The following R3HCC1L variants were observed in gnomAD, a reference collection of about 807,000 sequenced individuals.
The protein encoded by R3HCC1L is coiled-coil domain-containing protein R3HCC1L.
R3HCC1L carries 51 observed loss-of-function variants against 59.9 expected under a neutral mutation model. That is an observed-to-expected ratio of 0.85 (90% CI 0.68 to 1.07). The LOEUF (loss-of-function observed/expected upper bound fraction) is 1.07. Among genes scored for constraint, R3HCC1L ranks in the 50% least tolerant of loss-of-function variants. The pLI is 0.00. For missense variants in R3HCC1L, 965 were observed against 933.0 expected, an observed-to-expected ratio of 1.03 and a Z score of -0.45; for synonymous variants, 322 against 315.2, an observed-to-expected ratio of 1.02 and a Z score of -0.23.
intron 4 of R3HCC1L, among the ~76,000 whole-genome samples, chr10:98,202,626 G>T (rs2135134950): frequency 6.6e-6 from 1 of 152,228 alleles, no homozygotes; most frequent in African/African-American, 2.4e-5. Context: ...GCCTGAGGCG[G>T]GCGGAACACA....
At chr10:98,231,745 G>T in intron 6 of R3HCC1L, 58 bp downstream of exon 6, 1 of 1,433,828 alleles carries the variant, frequency 7.0e-7, no homozygotes, top group South Asian at 1.4e-5. Flanking sequence ...TTTAAAAAAT[G>T]TTTTCTGAGA....
chr10:98,237,594 G>A (rs1316129201), intron 9 of R3HCC1L, among the ~76,000 whole-genome samples: 1 of 152,178 alleles, frequency 6.6e-6, no homozygotes, highest in Non-Finnish European at 1.5e-5. Context: ...AATTAAAAAT[G>A]ATTCTGTTGA....
chr10:98,135,674 CGTTACCACCT>C (rs1221773311), intron 1 of R3HCC1L, among the ~76,000 whole-genome samples: 1 of 152,168 alleles, frequency 6.6e-6, no homozygotes, highest in African/African-American at 2.4e-5. Context: ...GACCTTAGGG[CGTTACCACCT>C]GTGGAGTCAA....
intron 1 of R3HCC1L, among the ~76,000 whole-genome samples, chr10:98,148,612 A>G (rs183987465): frequency 6.6e-6 from 1 of 152,132 alleles, no homozygotes; most frequent in Admixed American, 6.5e-5. Context: ...GATTTTATTG[A>G]ATGCTTTTTC....
chr10:98,176,541 G>A (rs1182724004), intron 4 of R3HCC1L, among the ~76,000 whole-genome samples: 1 of 152,070 alleles, frequency 6.6e-6, no homozygotes, highest in Non-Finnish European at 1.5e-5. Flanking sequence ...TTCATTGATA[G>A]AATATAGAAC....
intron 2 of R3HCC1L, among the ~76,000 whole-genome samples, 164 bp from the exon 3 acceptor site, chr10:98,162,719 A>T (rs762249420): frequency 1.3e-5 from 2 of 151,878 alleles, no homozygotes; most frequent in Non-Finnish European, 2.9e-5. Flanking sequence ...TGTGTTTGAG[A>T]TAGGATCTCA....
chr10:98,135,657 A>G (rs1372151645), intron 1 of R3HCC1L, among the ~76,000 whole-genome samples: 1 of 152,206 alleles, frequency 6.6e-6, no homozygotes, highest in Admixed American at 6.5e-5. Flanking sequence ...GTTCCTAGTG[A>G]AGAGGTGACC....
intron 4 of R3HCC1L, among the ~76,000 whole-genome samples, chr10:98,178,941 T>G (rs910655027): frequency 6.6e-6 from 1 of 152,216 alleles, no homozygotes; most frequent in Non-Finnish European, 1.5e-5. Context: ...TGAATTTGCT[T>G]ATAAGCTTAA....
chr10:98,209,879 G>C lies in R3HCC1L; in HGVS notation c.1765G>C (p.Asp589His). The change falls in exon 5 of 10, where the codon GAT becomes CAT. Residue 589 changes from aspartate (D) to histidine (H), a missense_variant. Asp to His is a moderately conservative substitution (Grantham distance 81). Transcript: ENST00000298999. ...GTTTAACGATGATGGTGACTGCCTG[G>C]ATCCACGTCTTCTACAAGAGGTATG... ...SMFNDDGDCL[D>H]PRLLQELSGN... The C allele has an allele frequency of 6.2e-7, 1 of 1,611,716 alleles. No homozygotes were observed. The highest frequency in any genetic ancestry group is 8.5e-7 in the Non-Finnish European group (1 of 1,178,332).
At chr10:98,228,394 T>G (rs922794284) in intron 5 of R3HCC1L, among the ~76,000 whole-genome samples, 13 of 152,242 alleles carry the variant, frequency 8.5e-5, no homozygotes, top group Non-Finnish European at 1.2e-4. Context: ...TTGAGAAGCA[T>G]CTGTTCATAT....
At chr10:98,214,830 C>T (rs1014956932) in intron 5 of R3HCC1L, among the ~76,000 whole-genome samples, 1 of 152,180 alleles carries the variant, frequency 6.6e-6, no homozygotes, top group East Asian at 1.9e-4. Context: ...GGAATGTTAG[C>T]ATTTAAAATC....
intron 5 of R3HCC1L, among the ~76,000 whole-genome samples, chr10:98,217,047 C>G (rs1250206434): frequency 3.9e-5 from 6 of 152,004 alleles, no homozygotes; most frequent in Non-Finnish European, 8.8e-5. Flanking sequence ...AATTTAAAAC[C>G]AAAATGTTGG....
chr10:98,142,452 A>G (rs1264187463), intron 1 of R3HCC1L, among the ~76,000 whole-genome samples: 7 of 151,764 alleles, frequency 4.6e-5, no homozygotes, highest in East Asian at 3.9e-4. Flanking sequence ...AGCCCGGCCA[A>G]TGTGGGGAAA....
chr10:98,137,459 T>A (rs1844709988), intron 1 of R3HCC1L, among the ~76,000 whole-genome samples: 1 of 152,220 alleles, frequency 6.6e-6, no homozygotes, highest in African/African-American at 2.4e-5. Flanking sequence ...TATTGATGAT[T>A]ATGATAATAG....
At chr10:98,188,195 T>G (rs1431728502) in intron 4 of R3HCC1L, among the ~76,000 whole-genome samples, 1 of 152,216 alleles carries the variant, frequency 6.6e-6, no homozygotes. Context: ...TCTTATTGAA[T>G]GCTGTATGTG....
chr10:98,136,596 G>C (rs1844610333), intron 1 of R3HCC1L, among the ~76,000 whole-genome samples: 1 of 152,158 alleles, frequency 6.6e-6, no homozygotes, highest in Non-Finnish European at 1.5e-5. Flanking sequence ...AGCGCTTTGG[G>C]AGGCTGAGGC....
At chr10:98,137,075 G>T (rs1844671842) in intron 1 of R3HCC1L, among the ~76,000 whole-genome samples, 1 of 152,096 alleles carries the variant, frequency 6.6e-6, no homozygotes. Context: ...GCTGGGCGTG[G>T]TGGCGTGCGC....
chr10:98,176,994 G>A (rs983618368), intron 4 of R3HCC1L, among the ~76,000 whole-genome samples: 5 of 151,604 alleles, frequency 3.3e-5, no homozygotes, highest in Non-Finnish European at 4.4e-5. Flanking sequence ...TTGTTATGGC[G>A]AATTACATTT....
chr10:98,224,714 T>C (rs760707592), intron 5 of R3HCC1L, among the ~76,000 whole-genome samples: 1 of 152,242 alleles, frequency 6.6e-6, no homozygotes, highest in Non-Finnish European at 1.5e-5. Context: ...TTGTAAACTT[T>C]CCCTTGGTCT....
Sources: allele counts gnomAD v4.1 joint callset (sites outside exome capture counted in the v4.1 genomes callset), GRCh38; gene constraint gnomAD v4.1.1; transcripts MANE v1.5; gene names NCBI Gene and HGNC (gene_info 2026-07-23, HGNC 2026-07-21).